Variants in AGBL4 observed in about 807,000 individuals in gnomAD.
AGBL4 encodes AGBL carboxypeptidase 4.
In AGBL4, 58 loss-of-function variants were observed where a neutral mutation model predicts 66.4. The observed-to-expected ratio is 0.87, with a 90% CI of 0.71 to 1.09. The LOEUF (loss-of-function observed/expected upper bound fraction) is 1.09. Ranked by LOEUF, AGBL4 falls within the 50% of genes least tolerant of loss-of-function variation. The pLI, the probability that AGBL4 is intolerant of heterozygous loss-of-function variation, is 0.00. For missense variants in AGBL4, 579 were observed against 631.0 expected, an observed-to-expected ratio of 0.92 and a Z score of 0.88; for synonymous variants, 234 against 222.9, an observed-to-expected ratio of 1.05 and a Z score of -0.44.
At chr1:48,691,168 A>AC (rs1184452441) in intron 6 of AGBL4, among the ~76,000 whole-genome samples, 1 of 149,776 alleles carries the variant, frequency 6.7e-6, no homozygotes, top group East Asian at 1.9e-4. Flanking sequence ...AAAAAAAAAA[A>AC]AAAAAAACAC....
intron 3 of AGBL4, among the ~76,000 whole-genome samples, chr1:49,482,559 TA>T (rs1265482778): frequency 1.1e-5 from 1 of 93,742 alleles, no homozygotes; most frequent in African/African-American, 3.4e-5. Flanking sequence ...CTATCTACTT[TA>T]TTTTTTTTTT....
At chr1:50,019,245 C>T (rs1481052056) in intron 1 of AGBL4, among the ~76,000 whole-genome samples, 1 of 135,044 alleles carries the variant, frequency 7.4e-6, no homozygotes, top group African/African-American at 2.8e-5. Context: ...TTCTCCTATG[C>T]CTTTAGGAAA....
chr1:49,540,079 C>T (rs1270011887), intron 3 of AGBL4, among the ~76,000 whole-genome samples: 1 of 152,126 alleles, frequency 6.6e-6, no homozygotes, highest in African/African-American at 2.4e-5. Flanking sequence ...AAGCAAACCA[C>T]ATTATAAGAA....
At chr1:49,399,347 T>G (rs775009236) in intron 3 of AGBL4, among the ~76,000 whole-genome samples, 1 of 152,180 alleles carries the variant, frequency 6.6e-6, no homozygotes, top group Admixed American at 6.5e-5. Context: ...TCCTTTCTTT[T>G]GGGTATATTC....
chr1:49,085,183 C>T (rs1418237484), intron 4 of AGBL4, among the ~76,000 whole-genome samples: 2 of 152,004 alleles, frequency 1.3e-5, no homozygotes, highest in Non-Finnish European at 2.9e-5. Flanking sequence ...GCTGTCTCTG[C>T]CTGAGCTGAA....
chr1:48,754,015 G>T (rs1201810836), intron 6 of AGBL4, among the ~76,000 whole-genome samples: 1 of 152,156 alleles, frequency 6.6e-6, no homozygotes, highest in Non-Finnish European at 1.5e-5. Context: ...CATCCTGAAG[G>T]CAAGGATTAT....
intron 3 of AGBL4, among the ~76,000 whole-genome samples, chr1:49,602,964 T>G (rs1644990583): frequency 1.3e-5 from 2 of 152,162 alleles, no homozygotes; most frequent in South Asian, 4.1e-4. Context: ...TTAACTCACT[T>G]AATTCATACA....
intron 6 of AGBL4, among the ~76,000 whole-genome samples, chr1:48,672,603 T>G (rs1646294266): frequency 1.3e-5 from 2 of 152,176 alleles, no homozygotes; most frequent in African/African-American, 4.8e-5. Flanking sequence ...AAAGATCTGT[T>G]CCTTAACTTG....
intron 4 of AGBL4, among the ~76,000 whole-genome samples, chr1:49,121,462 CT>C (rs1335498957): frequency 5.3e-5 from 8 of 152,162 alleles, no homozygotes; most frequent in Non-Finnish European, 1.2e-4. Context: ...TAACAGGTCC[CT>C]CAGCGGCAGG....
At chr1:48,637,651 G>C (rs1270401743) in intron 8 of AGBL4, among the ~76,000 whole-genome samples, 1 of 147,456 alleles carries the variant, frequency 6.8e-6, no homozygotes, top group Admixed American at 6.7e-5. Flanking sequence ...CTGTGGAACA[G>C]AGGCAGAGTA....
chr1:49,248,856 A>T (rs1222680301), intron 3 of AGBL4, among the ~76,000 whole-genome samples: 3 of 151,878 alleles, frequency 2.0e-5, no homozygotes, highest in Middle Eastern at 3.4e-3. Context: ...TTTTTTCTTT[A>T]GATTTAAATT....
intron 3 of AGBL4, among the ~76,000 whole-genome samples, chr1:49,429,923 C>T (rs747411514): frequency 6.6e-5 from 10 of 151,624 alleles, no homozygotes; most frequent in Admixed American, 2.0e-4. Flanking sequence ...GGGCTTACTA[C>T]AGCCTTAACC....
intron 5 of AGBL4, among the ~76,000 whole-genome samples, chr1:48,887,584 T>C (rs1256262172): frequency 1.3e-5 from 2 of 152,102 alleles, no homozygotes; most frequent in Non-Finnish European, 2.9e-5. Flanking sequence ...TCAGAGAGAA[T>C]AGACGTCCCT....
chr1:49,520,809 CTT>C (rs780615627), intron 3 of AGBL4, among the ~76,000 whole-genome samples: 27 of 139,066 alleles, frequency 1.9e-4, no homozygotes, highest in Admixed American at 2.9e-4. Context: ...AGATCACTCA[CTT>C]TTTTTTTTTT....
At chr1:48,760,563 C>G (rs997197464) in intron 6 of AGBL4, among the ~76,000 whole-genome samples, 1 of 152,078 alleles carries the variant, frequency 6.6e-6, no homozygotes, top group Non-Finnish European at 1.5e-5. Context: ...ATGTGAGACC[C>G]CTGGAGGCAA....
At chr1:49,662,262 T>A (rs1646284416) in intron 3 of AGBL4, among the ~76,000 whole-genome samples, 1 of 151,360 alleles carries the variant, frequency 6.6e-6, no homozygotes, top group Admixed American at 6.6e-5. Flanking sequence ...TATATATACA[T>A]ATATAAACTT....
intron 6 of AGBL4, among the ~76,000 whole-genome samples, chr1:48,666,145 A>G (rs895555352): frequency 2.0e-5 from 3 of 152,198 alleles, no homozygotes; most frequent in African/African-American, 7.2e-5. Flanking sequence ...GGCAAAATGG[A>G]TGGGTCGCCT....
At chr1:49,396,016 G>A (rs1278407349) in intron 3 of AGBL4, among the ~76,000 whole-genome samples, 2 of 151,212 alleles carry the variant, frequency 1.3e-5, no homozygotes, top group Admixed American at 6.6e-5. Flanking sequence ...AAGACCCAGT[G>A]TCTACATCAA....
intron 3 of AGBL4, among the ~76,000 whole-genome samples, chr1:49,305,047 A>G (rs924025189): frequency 6.6e-6 from 1 of 152,216 alleles, no homozygotes. Flanking sequence ...CTGTCTTTAC[A>G]GAATAGAAAA....
Sources: allele counts gnomAD v4.1 joint callset (sites outside exome capture counted in the v4.1 genomes callset), GRCh38; gene constraint gnomAD v4.1.1; transcripts MANE v1.5; gene names NCBI Gene and HGNC (gene_info 2026-07-23, HGNC 2026-07-21).